Variants in IPMK observed in about 807,000 individuals in gnomAD.
IPMK encodes inositol 1,3,4,6-tetrakisphosphate 5-kinase.
A neutral mutation model predicts 45.8 loss-of-function variants in IPMK; 17 were observed. The observed-to-expected ratio is 0.37, with a 90% confidence interval of 0.25 to 0.56. The LOEUF (loss-of-function observed/expected upper bound fraction) is 0.56. Ranked by LOEUF, IPMK falls within the 20% of genes least tolerant of loss-of-function variation. The pLI is 0.79. For synonymous variants in IPMK, 180 were observed against 184.3 expected (o/e 0.98, Z 0.19); for missense variants, 399 against 498.0 (o/e 0.80, Z 1.89).
intron 3 of IPMK, among the ~76,000 whole-genome samples, chr10:58,217,076 T>C (rs1838254155): frequency 6.6e-6 from 1 of 151,354 alleles, no homozygotes; most frequent in African/African-American, 2.4e-5. Context: ...CTCGAACTTC[T>C]GGCCTCAAGT....
At position 58,196,494 on chromosome 10, in the gene IPMK, A is replaced by C. The variant is rs760196498; in HGVS notation, c.833T>G (p.Leu278Trp). 8.7e-6 allele frequency: 14 copies of C among 1,614,064 alleles called. No individual in the cohort carries two copies. Among genetic ancestry groups the C allele is most frequent in the Non-Finnish European group, 1.1e-5 (13 of 1,179,982 alleles). The change falls in exon 6 of 6, where the codon TTG becomes TGG. Residue 278 changes from leucine (L) to tryptophan (W), a missense_variant. Leu to Trp is a moderately conservative substitution (Grantham distance 61). Coordinates refer to ENST00000373935, the MANE Select transcript of IPMK (RefSeq NM_152230.5). ...LNDRTLAEKF[L>W]SKGQLSDTEV... is the part of the protein sequence containing the mutation. Reference sequence around the variant, plus strand: ...TGTGTCTGACAGTTGTCCTTTGGACAAAAACTTTTCTGCCAAAGTTCTGTC... The same window carrying C: ...TGTGTCTGACAGTTGTCCTTTGGACCAAAACTTTTCTGCCAAAGTTCTGTC...
chr10:58,211,901 C>CAAAAAAAA (rs753050298), intron 4 of IPMK, among the ~76,000 whole-genome samples: 27 of 50,368 alleles, frequency 5.4e-4, no homozygotes, highest in African/African-American at 1.9e-3. Flanking sequence ...GACATCTCAC[C>CAAAAAAAA]AAAAAAAAAA....
chr10:58,194,559 T>C lies in IPMK; in HGVS notation c.*1517A>G, dbSNP rs1325667759. 6.6e-6 allele frequency: 1 copy of C among 151,824 alleles called. No individual in the cohort carries two copies. Among genetic ancestry groups the C allele is most frequent in the Non-Finnish European group, 1.5e-5 (1 of 67,790 alleles). 9.4% of individuals were successfully genotyped at this position (151,824 alleles called of 1,614,324 possible). ...GTTGGTACTTCTGTTTGGACTCAGGTATTTGCAAAGTGCCCTCAGAGAAGG... is the reference window on the plus strand; with the variant it reads ...GTTGGTACTTCTGTTTGGACTCAGGCATTTGCAAAGTGCCCTCAGAGAAGG... On this transcript the variant is annotated 3_prime_UTR_variant, in exon 6 of 6. Coordinates refer to ENST00000373935, the MANE Select transcript of IPMK (RefSeq NM_152230.5).
rs768990091 is a variant in IPMK, at chr10:58,225,079, C to A, written c.373+1964G>T. On this transcript the variant is annotated intron_variant, in intron 3 of 5. Coordinates refer to ENST00000373935, the MANE Select transcript of IPMK (RefSeq NM_152230.5). ...TGAGGCAACTGTTGGTACTACTGGACCACTCTGTTATCATATACACTTTAT... is the reference window on the plus strand; with the variant it reads ...TGAGGCAACTGTTGGTACTACTGGAACACTCTGTTATCATATACACTTTAT... Among the ~76,000 whole-genome samples the A allele has an allele frequency of 2.0e-5, 3 of 152,146 alleles. No homozygotes were observed. The East Asian group carries it at 5.8e-4, about 29-fold the overall frequency.
At chr10:58,261,912 A>C (rs1839074862) in intron 1 of IPMK, among the ~76,000 whole-genome samples, 1 of 152,194 alleles carries the variant, frequency 6.6e-6, no homozygotes, top group Admixed American at 6.5e-5. Context: ...AGAAAATCTC[A>C]TCCTGAATTC....
Position 58,253,751 on chromosome 10 carries a change from GAAA to G in IPMK, c.190+13668_190+13670del, listed in dbSNP as rs374275379. On this transcript the variant is annotated intron_variant, in intron 1 of 5. Transcript: ENST00000373935. ...TCCATCTCCAAAAAAAAAAAAAAAA[GAAA>G]AAAAAAGAAAAGAAAAAGAAAAATA... Among the ~76,000 whole-genome samples, 110 of 66,228 alleles carry G rather than the reference GAAA, an allele frequency of 1.7e-3. 5 individuals are homozygous for G. The highest frequency in any genetic ancestry group is 7.6e-3 in the African/African-American group (47 of 6,196). 43.4% of individuals were successfully genotyped at this position (66,228 alleles called of 152,430 possible). A position where few individuals can be genotyped will look rare whatever the true frequency, so the allele number is the denominator to read the frequency against.
chr10:58,213,495 T>C (rs889083244), intron 4 of IPMK, among the ~76,000 whole-genome samples: 1 of 152,082 alleles, frequency 6.6e-6, no homozygotes, highest in African/African-American at 2.4e-5. Flanking sequence ...CCATCCTGGC[T>C]AACATGGTGA....
chr10:58,248,171 G>T (rs1838829610), intron 1 of IPMK, among the ~76,000 whole-genome samples: 1 of 151,710 alleles, frequency 6.6e-6, no homozygotes, highest in South Asian at 2.1e-4. Context: ...TCTATTTTAT[G>T]TGATAATAAA....
At chr10:58,200,890 G>A (rs893918944) in intron 4 of IPMK, among the ~76,000 whole-genome samples, 8 of 152,084 alleles carry the variant, frequency 5.3e-5, no homozygotes, top group Admixed American at 3.9e-4. Flanking sequence ...TTTTTTTACA[G>A]GCATAGAATG....
rs1489917265 is a variant in IPMK, at chr10:58,205,201, T to A, written c.547-5880A>T. Among the ~76,000 whole-genome samples the A allele has an allele frequency of 2.0e-5, 3 of 152,090 alleles. No individual in the cohort carries two copies. The East Asian group carries it at 5.8e-4, about 29-fold the overall frequency. The stretch of plus-strand genomic sequence containing the variant: ...TTTCTTAGATTTTACACCAAAAGCC[T>A]AGGTAACAAAAAAAAGTAAATTGGA... On this transcript the variant is annotated intron_variant, in intron 4 of 5. Coordinates refer to ENST00000373935, the MANE Select transcript of IPMK (RefSeq NM_152230.5).
At chr10:58,262,945 T>C (rs985746666) in intron 1 of IPMK, among the ~76,000 whole-genome samples, 12 of 152,188 alleles carry the variant, frequency 7.9e-5, no homozygotes, top group Admixed American at 7.2e-4. Context: ...AAAATCACAA[T>C]TTTGTAACTA....
intron 1 of IPMK, among the ~76,000 whole-genome samples, chr10:58,267,101 T>C (rs571226943): frequency 5.3e-5 from 8 of 152,330 alleles, no homozygotes; most frequent in Admixed American, 5.2e-4. Flanking sequence ...CCCCGTCCAG[T>C]AAAAATGAAG....
chr10:58,207,368 A>G lies in IPMK; in HGVS notation c.547-8047T>C, dbSNP rs1223588765. On this transcript the variant is annotated intron_variant, in intron 4 of 5. Transcript: ENST00000373935. ...GCAACTGCGAATTGTACTGCTATAA[A>G]CATGCATATGCAAGTGTCTTTTTCA... Among the ~76,000 whole-genome samples, 6 of 152,348 alleles carry G rather than the reference A, an allele frequency of 3.9e-5. No homozygotes were observed. The East Asian group carries it at 1.2e-3, about 29-fold the overall frequency.
intron 1 of IPMK, among the ~76,000 whole-genome samples, chr10:58,243,142 A>C (rs1838720959): frequency 6.6e-6 from 1 of 152,188 alleles, no homozygotes; most frequent in Admixed American, 6.5e-5. Flanking sequence ...CTAGGAAAAA[A>C]ATCAGAGAAA....
intron 1 of IPMK, 73 bp from the exon 2 acceptor site, chr10:58,237,887 C>A: frequency 9.4e-7 from 1 of 1,064,504 alleles, no homozygotes; most frequent in South Asian, 1.3e-5. Flanking sequence ...TAGATTAGTT[C>A]CTGAAGTGAC....
At chr10:58,226,121 A>G (rs1307886261) in intron 3 of IPMK, among the ~76,000 whole-genome samples, 1 of 152,148 alleles carries the variant, frequency 6.6e-6, no homozygotes, top group African/African-American at 2.4e-5. Flanking sequence ...TCAATTTACT[A>G]TCAGCTAGCT....
intron 1 of IPMK, among the ~76,000 whole-genome samples, chr10:58,244,146 T>C (rs1056227287): frequency 3.7e-5 from 5 of 133,838 alleles, no homozygotes; most frequent in Admixed American, 3.1e-4. Flanking sequence ...GTCTGGGAGG[T>C]GAGGGGCGTC....
Position 58,247,050 on chromosome 10 carries a change from A to G in IPMK, c.191-9236T>C, listed in dbSNP as rs1838812432. Among the ~76,000 whole-genome samples the G allele has an allele frequency of 2.0e-5, 3 of 151,098 alleles. No homozygotes were observed. In the South Asian group the frequency reaches 6.2e-4, roughly 31 times the overall value. The stretch of plus-strand genomic sequence containing the variant: ...ATTTATGCAGCCAAAAGACACATGA[A>G]AAAATGCTCACCATCACTGGCCATC... On this transcript the variant is annotated intron_variant, in intron 1 of 5. Coordinates refer to ENST00000373935, the MANE Select transcript of IPMK (RefSeq NM_152230.5).
intron 1 of IPMK, 71 bp downstream of exon 1, chr10:58,267,351 G>T: frequency 1.3e-6 from 2 of 1,513,730 alleles, no homozygotes; most frequent in Non-Finnish European, 1.8e-6. Context: ...GAGAGCGCTA[G>T]GCTGCCTCCG....
Sources: gnomAD v4.1 joint callset for allele counts (sites outside exome capture counted in the v4.1 genomes callset) on GRCh38, gnomAD v4.1.1 for gene constraint, MANE v1.5 for transcripts, NCBI Gene and HGNC (gene_info 2026-07-23, HGNC 2026-07-21) for gene names.